Variants in ATXN7 observed in about 807,000 individuals in gnomAD.
ATXN7 encodes the protein ataxin 7, also known as ataxin-7.
In ATXN7, 12 loss-of-function variants were observed where a neutral mutation model predicts 70.5. That is an observed-to-expected ratio of 0.17 (90% CI 0.11 to 0.28). The LOEUF is 0.28. Among genes scored for constraint, ATXN7 ranks in the 10% least tolerant of loss-of-function variants. ATXN7 has a pLI of 1.00. For synonymous variants in ATXN7, 498 were observed against 448.7 expected (o/e 1.11, Z -1.39); for missense variants, 1,256 against 1,131.7 (o/e 1.11, Z -1.58).
intron 1 of ATXN7, among the ~76,000 whole-genome samples, chr3:63,868,879 CACTTATAACTTTAGT>C (rs1055435375): frequency 6.6e-6 from 1 of 152,158 alleles, no homozygotes; most frequent in Non-Finnish European, 1.5e-5. Flanking sequence ...GTGGAAGTTA[CACTTATAACTTTAGT>C]TGTCTAATTC....
intron 5 of ATXN7, among the ~76,000 whole-genome samples, chr3:63,964,025 C>G (rs1014943166): frequency 6.6e-6 from 1 of 151,490 alleles, no homozygotes; most frequent in African/African-American, 2.4e-5. Flanking sequence ...TTTTTCTAAG[C>G]TTCCATTTAA....
chr3:63,899,853 G>C (rs922278915), intron 2 of ATXN7, among the ~76,000 whole-genome samples: 2 of 152,062 alleles, frequency 1.3e-5, no homozygotes, highest in Non-Finnish European at 2.9e-5. Context: ...TCCTGACTTC[G>C]CGATCTGCCC....
chr3:63,978,758 CAGTT>C (rs1326414473), intron 5 of ATXN7, among the ~76,000 whole-genome samples: 1 of 152,162 alleles, frequency 6.6e-6, no homozygotes, highest in Non-Finnish European at 1.5e-5. Flanking sequence ...GTGGAACACA[CAGTT>C]AAGTACTTTA....
chr3:63,934,880 A>G (rs1173706628), intron 4 of ATXN7, among the ~76,000 whole-genome samples: 1 of 152,176 alleles, frequency 6.6e-6, no homozygotes, highest in Non-Finnish European at 1.5e-5. Context: ...TGTTCTATGC[A>G]TTGTAGGATT....
intron 10 of ATXN7, 158 bp downstream of exon 10, chr3:63,990,532 T>A (rs1270877087): frequency 5.2e-6 from 6 of 1,146,346 alleles, no homozygotes; most frequent in South Asian, 4.3e-5. Flanking sequence ...CAGCACACAC[T>A]CTGTACGGGG....
At chr3:63,946,817 C>T (rs887243712) in intron 4 of ATXN7, among the ~76,000 whole-genome samples, 4 of 152,010 alleles carry the variant, frequency 2.6e-5, no homozygotes, top group African/African-American at 9.7e-5. Flanking sequence ...TTGAAGCCAG[C>T]AGGGGTCTTC....
At chr3:63,878,713 C>CTAGA (rs1702819625) in intron 1 of ATXN7, among the ~76,000 whole-genome samples, 1 of 152,124 alleles carries the variant, frequency 6.6e-6, no homozygotes, top group South Asian at 2.1e-4. Flanking sequence ...GTTATCACTG[C>CTAGA]TAGATCTGAG....
intron 2 of ATXN7, among the ~76,000 whole-genome samples, chr3:63,909,612 C>T (rs1347262448): frequency 6.6e-6 from 1 of 152,134 alleles, no homozygotes; most frequent in Non-Finnish European, 1.5e-5. Flanking sequence ...TGCCAAAATT[C>T]AGATATCAGA....
chr3:63,988,472 A>G, intron 9 of ATXN7, 148 bp downstream of exon 9: 2 of 1,150,930 alleles, frequency 1.7e-6, no homozygotes, highest in Non-Finnish European at 1.2e-6. Flanking sequence ...TGAAAAAAAA[A>G]AAGGAAAGGT....
chr3:63,959,238 A>G (rs1351825774), intron 5 of ATXN7, among the ~76,000 whole-genome samples: 1 of 152,186 alleles, frequency 6.6e-6, no homozygotes, highest in Middle Eastern at 3.2e-3. Flanking sequence ...ATTGGCTGAC[A>G]TGTTTATTTC....
chr3:63,878,862 A>G (rs1702823306), intron 1 of ATXN7, among the ~76,000 whole-genome samples: 1 of 152,186 alleles, frequency 6.6e-6, no homozygotes, highest in South Asian at 2.1e-4. Context: ...GGAGGGAACA[A>G]GGAGGGAATA....
chr3:63,921,202 T>C (rs1704498616), intron 4 of ATXN7, among the ~76,000 whole-genome samples: 1 of 152,190 alleles, frequency 6.6e-6, no homozygotes. Flanking sequence ...TATGTAAGCA[T>C]ATGGCAAGGA....
intron 2 of ATXN7, among the ~76,000 whole-genome samples, chr3:63,902,847 A>C (rs1426381339): frequency 6.6e-6 from 1 of 152,166 alleles, no homozygotes; most frequent in Non-Finnish European, 1.5e-5. Context: ...TCTTCTTCAA[A>C]AAAAAATCTT....
chr3:63,984,839 G>A (rs2075548390), intron 8 of ATXN7, among the ~76,000 whole-genome samples: 1 of 152,172 alleles, frequency 6.6e-6, no homozygotes, highest in African/African-American at 2.4e-5. Context: ...GATTCTGTGA[G>A]TTTGATTATA....
intron 1 of ATXN7, among the ~76,000 whole-genome samples, chr3:63,871,359 G>A (rs1456971606): frequency 3.3e-5 from 5 of 152,100 alleles, no homozygotes; most frequent in Non-Finnish European, 7.4e-5. Flanking sequence ...TAGCATTTAA[G>A]GGTTTCCTTC....
intron 11 of ATXN7, among the ~76,000 whole-genome samples, chr3:63,994,370 G>A (rs1276237934): frequency 1.3e-5 from 2 of 152,098 alleles, no homozygotes; most frequent in Non-Finnish European, 2.9e-5. Context: ...AAGTAGCTGG[G>A]ATTACAGGTG....
intron 4 of ATXN7, among the ~76,000 whole-genome samples, chr3:63,920,088 C>T (rs983732925): frequency 2.6e-5 from 4 of 152,022 alleles, no homozygotes; most frequent in Non-Finnish European, 4.4e-5. Flanking sequence ...AGAAGGCAGA[C>T]GTTGTTCTTT....
chr3:63,943,704 A>G (rs1461859466), intron 4 of ATXN7, among the ~76,000 whole-genome samples: 1 of 152,114 alleles, frequency 6.6e-6, no homozygotes, highest in Non-Finnish European at 1.5e-5. Context: ...CTAACCCTTC[A>G]TGTGTTTATA....
At chr3:63,923,489 A>G (rs188513639) in intron 4 of ATXN7, among the ~76,000 whole-genome samples, 145 of 152,308 alleles carry the variant, frequency 9.5e-4, no homozygotes, top group African/African-American at 3.3e-3. Context: ...TTAACATTTG[A>G]GCTGAGACCA....
Sources: gnomAD v4.1 joint callset for allele counts (sites outside exome capture counted in the v4.1 genomes callset) on GRCh38, gnomAD v4.1.1 for gene constraint, MANE v1.5 for transcripts, NCBI Gene and HGNC (gene_info 2026-07-23, HGNC 2026-07-21) for gene names.